Variants in SAMMSON observed in about 807,000 individuals in gnomAD.
SAMMSON encodes long intergenic non-protein coding RNA 1212.
At chr3:70,211,532 TTG>T (rs1384891674) in intron 4 of SAMMSON, among the ~76,000 whole-genome samples, 1 of 13,092 alleles carries the variant, frequency 7.6e-5, no homozygotes. Context: ...TCCCTTCCCT[TTG>T]CCCTTCCCTT....
intron 2 of SAMMSON, among the ~76,000 whole-genome samples, chr3:70,427,737 CAAAAA>C (rs34837077): frequency 9.7e-6 from 1 of 102,922 alleles, no homozygotes; most frequent in Non-Finnish European, 2.0e-5. Context: ...AACTCCGTCT[CAAAAA>C]AAAAAAAAAA....
chr3:70,331,379 G>GA (rs1471220293), intron 7 of SAMMSON, among the ~76,000 whole-genome samples: 1 of 152,294 alleles, frequency 6.6e-6, no homozygotes, highest in East Asian at 1.9e-4. Flanking sequence ...TCCAAAGAGA[G>GA]AAATGTGTGT....
chr3:70,273,576 T>TA (rs749527162), intron 6 of SAMMSON, among the ~76,000 whole-genome samples: 45 of 151,872 alleles, frequency 3.0e-4, no homozygotes, highest in Non-Finnish European at 5.6e-4. Context: ...ATGAGGACAT[T>TA]AAAAAAAAGA....
chr3:70,206,888 G>C (rs978066352), intron 4 of SAMMSON: 2 of 395,354 alleles, frequency 5.1e-6, no homozygotes, highest in Non-Finnish European at 4.5e-6. Context: ...ACTTTCCTAA[G>C]ATTAAAGTCT....
At chr3:70,142,009 A>G (rs2067529552) in intron 4 of SAMMSON, among the ~76,000 whole-genome samples, 1 of 152,208 alleles carries the variant, frequency 6.6e-6, no homozygotes, top group East Asian at 1.9e-4. Flanking sequence ...AAGAATGGCC[A>G]TAATAAAAAA....
intron 7 of SAMMSON, among the ~76,000 whole-genome samples, chr3:70,342,682 C>T (rs966887787): frequency 6.6e-6 from 1 of 152,078 alleles, no homozygotes; most frequent in African/African-American, 2.4e-5. Flanking sequence ...CCTTTATTTC[C>T]AGAAACATCA....
chr3:70,049,516 C>T (rs2067138800), intron 3 of SAMMSON, among the ~76,000 whole-genome samples: 1 of 152,056 alleles, frequency 6.6e-6, no homozygotes. Flanking sequence ...ACCTTATACC[C>T]TTTAAGTCTT....
intron 7 of SAMMSON, among the ~76,000 whole-genome samples, chr3:70,350,496 C>A (rs1231563049): frequency 2.0e-5 from 3 of 151,886 alleles, no homozygotes; most frequent in Non-Finnish European, 4.4e-5. Context: ...ATCATGAACC[C>A]TTTATGATAC....
At chr3:70,340,301 T>G (rs1702702105) in intron 7 of SAMMSON, among the ~76,000 whole-genome samples, 1 of 149,780 alleles carries the variant, frequency 6.7e-6, no homozygotes, top group Non-Finnish European at 1.5e-5. Flanking sequence ...AAATGATGAG[T>G]TAATGGGTGC....
intron 6 of SAMMSON, among the ~76,000 whole-genome samples, chr3:70,278,401 A>G (rs895045358): frequency 6.6e-6 from 1 of 152,162 alleles, no homozygotes; most frequent in African/African-American, 2.4e-5. Flanking sequence ...TTTGGTTGAC[A>G]TAAACACTGG....
At chr3:70,279,042 T>C (rs1156394119) in intron 6 of SAMMSON, among the ~76,000 whole-genome samples, 1 of 150,810 alleles carries the variant, frequency 6.6e-6, no homozygotes, top group Non-Finnish European at 1.5e-5. Flanking sequence ...TTCTCCCTTG[T>C]CAAGCTTTCT....
At chr3:70,036,679 T>C (rs1483525831) in intron 3 of SAMMSON, among the ~76,000 whole-genome samples, 3 of 152,084 alleles carry the variant, frequency 2.0e-5, no homozygotes, top group African/African-American at 7.2e-5. Context: ...ATTCAACCCA[T>C]AGAACAAAGC....
chr3:70,149,934 T>C (rs1243226383), intron 4 of SAMMSON, among the ~76,000 whole-genome samples: 1 of 152,102 alleles, frequency 6.6e-6, no homozygotes, highest in African/African-American at 2.4e-5. Flanking sequence ...TCATTATTAG[T>C]CCATTTAAGA....
chr3:70,347,203 T>C (rs984143859), intron 7 of SAMMSON, among the ~76,000 whole-genome samples: 1 of 152,216 alleles, frequency 6.6e-6, no homozygotes, highest in South Asian at 2.1e-4. Context: ...CTATAAGCAG[T>C]GGCAAGTACA....
At chr3:70,129,511 A>G (rs2067472997) in intron 4 of SAMMSON, among the ~76,000 whole-genome samples, 1 of 152,182 alleles carries the variant, frequency 6.6e-6, no homozygotes, top group South Asian at 2.1e-4. Context: ...CCTATTTTTA[A>G]TATATCTTTC....
chr3:70,195,902 T>TA (rs1298772403), intron 4 of SAMMSON, among the ~76,000 whole-genome samples: 4 of 152,272 alleles, frequency 2.6e-5, no homozygotes, highest in Admixed American at 1.3e-4. Flanking sequence ...ATCTTTTTCT[T>TA]AAAAAAATAA....
At chr3:70,427,606 C>T (rs916552016) in intron 2 of SAMMSON, among the ~76,000 whole-genome samples, 5 of 151,958 alleles carry the variant, frequency 3.3e-5, no homozygotes, top group Non-Finnish European at 5.9e-5. Flanking sequence ...GGCATGGTGG[C>T]GCGCGCCTGT....
chr3:70,226,629 T>A (rs1265550521), intron 4 of SAMMSON, among the ~76,000 whole-genome samples: 1 of 151,194 alleles, frequency 6.6e-6, no homozygotes, highest in East Asian at 2.0e-4. Flanking sequence ...TCCCAGCTTC[T>A]CGGGAGGCTG....
chr3:70,182,930 T>C (rs1701065429), intron 4 of SAMMSON, among the ~76,000 whole-genome samples: 1 of 152,208 alleles, frequency 6.6e-6, no homozygotes, highest in Non-Finnish European at 1.5e-5. Flanking sequence ...AACTGTATAT[T>C]AATGATGCAA....
Sources: allele counts gnomAD v4.1 joint callset (sites outside exome capture counted in the v4.1 genomes callset), GRCh38; gene constraint gnomAD v4.1.1; transcripts MANE v1.5; gene names NCBI Gene and HGNC (gene_info 2026-07-23, HGNC 2026-07-21).